Variants in TESK2 observed in about 807,000 individuals in gnomAD.
TESK2 encodes dual specificity testis-specific protein kinase 2.
In TESK2, 39 loss-of-function variants were observed where a neutral mutation model predicts 57.1. The observed-to-expected ratio is 0.68, with a 90% CI of 0.53 to 0.89. TESK2 has a LOEUF of 0.89. Among genes scored for constraint, TESK2 ranks in the 40% least tolerant of loss-of-function variants. The pLI, the probability that TESK2 is intolerant of heterozygous loss-of-function variation, is 0.00. For synonymous variants in TESK2, 249 were observed against 267.9 expected (o/e 0.93, Z 0.69); for missense variants, 646 against 732.1 (o/e 0.88, Z 1.36).
intron 3 of TESK2, among the ~76,000 whole-genome samples, chr1:45,412,680 G>A (rs980781558): frequency 3.3e-5 from 5 of 152,126 alleles, no homozygotes; most frequent in African/African-American, 1.2e-4. Flanking sequence ...GGCATATTTG[G>A]TGAATTGAAG....
intron 4 of TESK2, among the ~76,000 whole-genome samples, chr1:45,378,823 T>A (rs572081040): frequency 1.3e-5 from 2 of 152,342 alleles, no homozygotes; most frequent in Non-Finnish European, 2.9e-5. Flanking sequence ...AATCTCTACC[T>A]TCCCGTGTAT....
At chr1:45,383,309 T>C (rs1648737415) in intron 4 of TESK2, among the ~76,000 whole-genome samples, 1 of 152,242 alleles carries the variant, frequency 6.6e-6, no homozygotes, top group Admixed American at 6.5e-5. Flanking sequence ...TCGAAAGACC[T>C]ATGCCATCAA....
chr1:45,387,883 T>C (rs540941140), intron 3 of TESK2, among the ~76,000 whole-genome samples: 5 of 152,176 alleles, frequency 3.3e-5, no homozygotes, highest in Admixed American at 6.5e-5. Flanking sequence ...AGCAGGTGCC[T>C]GTAGTCCCAG....
At chr1:45,461,049 C>A (rs932863549) in intron 1 of TESK2, among the ~76,000 whole-genome samples, 1 of 151,846 alleles carries the variant, frequency 6.6e-6, no homozygotes, top group African/African-American at 2.4e-5. Flanking sequence ...TTTGGAAACA[C>A]AAGGTTTCAC....
chr1:45,446,851 C>G (rs1474546101), intron 2 of TESK2, among the ~76,000 whole-genome samples: 1 of 152,144 alleles, frequency 6.6e-6, no homozygotes, highest in African/African-American at 2.4e-5. Flanking sequence ...CAGTAAACAA[C>G]AGCTAGTTTA....
At chr1:45,446,745 T>C (rs1651661692) in intron 2 of TESK2, among the ~76,000 whole-genome samples, 1 of 152,214 alleles carries the variant, frequency 6.6e-6, no homozygotes, top group African/African-American at 2.4e-5. Context: ...ATCAGCAGGC[T>C]TGGCAAATAT....
chr1:45,370,778 G>A (rs1324643121), intron 4 of TESK2, among the ~76,000 whole-genome samples: 1 of 152,156 alleles, frequency 6.6e-6, no homozygotes, highest in Non-Finnish European at 1.5e-5. Context: ...GTTGAGACAG[G>A]AATAGAGAGG....
intron 4 of TESK2, among the ~76,000 whole-genome samples, chr1:45,377,715 G>C (rs192058855): frequency 7.0e-6 from 1 of 143,072 alleles, no homozygotes; most frequent in Admixed American, 6.8e-5. Flanking sequence ...CACTGTGCCC[G>C]GCCAAGAACA....
At chr1:45,420,500 A>T (rs1020931460) in intron 3 of TESK2, among the ~76,000 whole-genome samples, 1 of 148,586 alleles carries the variant, frequency 6.7e-6, no homozygotes, top group Non-Finnish European at 1.5e-5. Context: ...CAAGAGATCC[A>T]CCCACCTTGG....
intron 4 of TESK2, among the ~76,000 whole-genome samples, chr1:45,381,567 C>T (rs918066294): frequency 6.6e-6 from 1 of 152,192 alleles, no homozygotes; most frequent in Non-Finnish European, 1.5e-5. Context: ...CAGCAAATTT[C>T]AGCCTAGAGC....
At chr1:45,354,112 A>G (rs1029459612) in intron 5 of TESK2, among the ~76,000 whole-genome samples, 1 of 152,244 alleles carries the variant, frequency 6.6e-6, no homozygotes, top group Non-Finnish European at 1.5e-5. Flanking sequence ...TGTCATTCCT[A>G]TAAGGCAAGA....
At chr1:45,445,794 C>G (rs1651622157) in intron 2 of TESK2, among the ~76,000 whole-genome samples, 1 of 151,558 alleles carries the variant, frequency 6.6e-6, no homozygotes, top group East Asian at 1.9e-4. Flanking sequence ...GACCCTGTCT[C>G]CAAGAAATAA....
intron 4 of TESK2, among the ~76,000 whole-genome samples, chr1:45,382,532 C>T (rs1233476300): frequency 6.6e-6 from 1 of 152,168 alleles, no homozygotes; most frequent in Non-Finnish European, 1.5e-5. Context: ...AACTACCATG[C>T]CCAGACTATG....
chr1:45,371,637 C>T (rs753491639), intron 4 of TESK2, among the ~76,000 whole-genome samples: 16 of 150,950 alleles, frequency 1.1e-4, no homozygotes, highest in African/African-American at 3.4e-4. Flanking sequence ...CTGAGGTGGG[C>T]GAATTGCCTG....
chr1:45,362,377 A>C (rs960954754), intron 4 of TESK2, among the ~76,000 whole-genome samples: 7 of 152,222 alleles, frequency 4.6e-5, no homozygotes, highest in African/African-American at 1.7e-4. Flanking sequence ...GCTCTAGGGA[A>C]TATGTACCTC....
chr1:45,399,732 A>T, intron 3 of TESK2, among the ~76,000 whole-genome samples: 1 of 152,218 alleles, frequency 6.6e-6, no homozygotes, highest in African/African-American at 2.4e-5. Context: ...TTTCACAGGC[A>T]CGAAGACACT....
At chr1:45,447,194 G>C (rs1651679389) in intron 2 of TESK2, among the ~76,000 whole-genome samples, 2 of 152,198 alleles carry the variant, frequency 1.3e-5, no homozygotes, top group African/African-American at 4.8e-5. Context: ...TCCAGACTAG[G>C]TGACTGAGTG....
At chr1:45,490,206 A>G (rs1653659159) in intron 1 of TESK2, among the ~76,000 whole-genome samples, 1 of 152,220 alleles carries the variant, frequency 6.6e-6, no homozygotes, top group South Asian at 2.1e-4. Flanking sequence ...TGAAGTCCAA[A>G]TTCCTCAGCA....
intron 8 of TESK2, 65 bp downstream of exon 8, chr1:45,346,914 C>T: frequency 1.3e-6 from 2 of 1,583,416 alleles, no homozygotes; most frequent in Non-Finnish European, 1.7e-6. Context: ...ATCCCAGGGA[C>T]AGAACAGTTC....
Sources: allele counts gnomAD v4.1 joint callset (sites outside exome capture counted in the v4.1 genomes callset), GRCh38; gene constraint gnomAD v4.1.1; transcripts MANE v1.5; gene names NCBI Gene and HGNC (gene_info 2026-07-23, HGNC 2026-07-21).